Variants in PCDHGB7 observed in about 807,000 individuals in gnomAD.
PCDHGB7 encodes protocadherin gamma-B7.
PCDHGB7 carries 37 observed loss-of-function variants against 61.4 expected under a neutral mutation model. The observed-to-expected ratio is 0.60, with a 90% confidence interval of 0.46 to 0.79. PCDHGB7 has a LOEUF of 0.79. Ranked by LOEUF, PCDHGB7 falls within the 30% of genes least tolerant of loss-of-function variation. The pLI, the probability that PCDHGB7 is intolerant of heterozygous loss-of-function variation, is 0.00. For synonymous variants in PCDHGB7, 464 were observed against 503.5 expected (o/e 0.92, Z 1.05); for missense variants, 1,166 against 1,202.5 (o/e 0.97, Z 0.45).
chr5:141,420,956 T>C lies in PCDHGB7; in HGVS notation c.2415+682T>C, dbSNP rs17097281. 2.2e-3 allele frequency: 904 copies of C among 416,864 alleles called. 5 individuals carry two copies. The highest frequency in any genetic ancestry group is 0.016 in the African/African-American group (760 of 48,560). 25.8% of individuals were successfully genotyped at this position (416,864 alleles called of 1,614,324 possible). A position where few individuals can be genotyped will look rare whatever the true frequency, so the allele number is the denominator to read the frequency against. Reference sequence around the variant, plus strand: ...AATCATTTCTTCTGGAATTTCTTAGTCGTTGCAATAATAAGAATGGGCTCT... The same window carrying C: ...AATCATTTCTTCTGGAATTTCTTAGCCGTTGCAATAATAAGAATGGGCTCT... On this transcript the variant is annotated intron_variant, in intron 1 of 3. Coordinates refer to ENST00000398594, the MANE Select transcript of PCDHGB7 (RefSeq NM_018927.4).
intron 1 of PCDHGB7, among the ~76,000 whole-genome samples, chr5:141,456,250 C>T (rs1244300374): frequency 4.6e-5 from 7 of 152,014 alleles, no homozygotes; most frequent in African/African-American, 1.7e-4. Context: ...AGGCTTTGGG[C>T]GACCATTGCT....
In PCDHGB7 at chr5:141,432,853, C is replaced by A. The variant is rs748301578; in HGVS notation, c.2415+12579C>A. 1.1e-5 allele frequency: 17 copies of A among 1,614,176 alleles called. No homozygotes were observed. Among genetic ancestry groups the A allele is most frequent in the East Asian group, 4.5e-5 (2 of 44,874 alleles). On this transcript the variant is annotated intron_variant, in intron 1 of 3. Transcript: ENST00000398594. The surrounding 1 kb of genome is among the most constrained non-coding windows in gnomAD (Gnocchi z 6.0). ...CTCTGTACCTGGTGGTAGCGGTGGC[C>A]GCGGTCTCCTGCGTCTTCCTGGCCT...
rs1049654933 is a variant in PCDHGB7 at position 141,497,808 on chromosome 5, A to G, written c.2474+2943A>G. 2.6e-5 allele frequency among the ~76,000 whole-genome samples: 4 copies of G among 152,282 alleles called. No homozygotes were observed. The East Asian group carries it at 7.7e-4, about 29-fold the overall frequency. Reference sequence around the variant, plus strand: ...ACCTGCTTCAGCTTCCCAAAGTGCTAGAATTACAGGTGTGATCGCCCCCGG... The same window carrying G: ...ACCTGCTTCAGCTTCCCAAAGTGCTGGAATTACAGGTGTGATCGCCCCCGG... On this transcript the variant is annotated intron_variant, in intron 2 of 3. Coordinates refer to ENST00000398594, the MANE Select transcript of PCDHGB7 (RefSeq NM_018927.4).
intron 1 of PCDHGB7, among the ~76,000 whole-genome samples, chr5:141,434,384 G>T (rs980455943): frequency 2.6e-5 from 4 of 152,208 alleles, no homozygotes; most frequent in African/African-American, 4.8e-5. Context: ...CCCAAAACTG[G>T]CCATAAACAA....
At chr5:141,475,684 T>C (rs2099367059) in intron 1 of PCDHGB7, among the ~76,000 whole-genome samples, 1 of 152,228 alleles carries the variant, frequency 6.6e-6, no homozygotes, top group African/African-American at 2.4e-5. Context: ...TTGATTTGGA[T>C]TGGAGACTTG....
intron 1 of PCDHGB7, among the ~76,000 whole-genome samples, chr5:141,438,828 A>T (rs1364963084): frequency 6.7e-6 from 1 of 149,956 alleles, no homozygotes; most frequent in Non-Finnish European, 1.5e-5. Context: ...TGCCCAGCTA[A>T]TTTTTTAAAA....
In PCDHGB7 at chr5:141,489,335, G is replaced by A. The variant is rs138015049; in HGVS notation, c.2416-5472G>A. The A allele has an allele frequency of 8.2e-5, 132 of 1,607,244 alleles. No individual in the cohort carries two copies. The African/African-American group carries it at 1.5e-3, about 18-fold the overall frequency. On this transcript the variant is annotated intron_variant, in intron 1 of 3. Transcript: ENST00000398594. This position sits in a 1 kb window ranked among gnomAD's most constrained non-coding sequence, Gnocchi z 4.5. ...TGGGGCTGGGTGTCTGGGCAGCTTC[G>A]TTACTCAGTGGTGGAGGAGTCTGAG...
rs1036223789 is a variant in PCDHGB7, at chr5:141,511,298, G to A, written c.*125G>A. On this transcript the variant is annotated 3_prime_UTR_variant, in exon 4 of 4. Transcript: ENST00000398594. ...GAATACTGGTAGGGGCCAAGGCCAT[G>A]CTCCCCTTGGGAAACAGAAACAAGT... The A allele has an allele frequency of 4.7e-6, 7 of 1,502,412 alleles. No individual in the cohort carries two copies. In the African/African-American group the frequency reaches 8.4e-5, roughly 18 times the overall value. The allele number at this position is 1,502,412 out of a possible 1,614,324, so 93.1% of individuals were successfully genotyped here. A position where few individuals can be genotyped will look rare whatever the true frequency, so the allele number is the denominator to read the frequency against.
chr5:141,431,408 G>A lies in PCDHGB7; in HGVS notation c.2415+11134G>A. ...CCACCTGGTCCTTACGGCCTCCGAC[G>A]GGGGCGACCCGGTGCGCACAGGCAC... On this transcript the variant is annotated intron_variant, in intron 1 of 3. Transcript: ENST00000398594. The surrounding 1 kb of genome is among the most constrained non-coding windows in gnomAD (Gnocchi z 4.8). 6.2e-7 allele frequency: 1 copy of A among 1,613,718 alleles called. No individual in the cohort carries two copies. The highest frequency in any genetic ancestry group is 2.2e-5 in the East Asian group (1 of 44,882).
At chr5:141,429,468 A>G (rs2097217267) in intron 1 of PCDHGB7, among the ~76,000 whole-genome samples, 1 of 152,048 alleles carries the variant, frequency 6.6e-6, no homozygotes, top group Admixed American at 6.6e-5. Flanking sequence ...TCCCACCTCA[A>G]TCTCCAGAGT....
chr5:141,511,462 C>T lies in PCDHGB7; in HGVS notation c.*289C>T, dbSNP rs1385398410. On this transcript the variant is annotated 3_prime_UTR_variant, in exon 4 of 4. Transcript: ENST00000398594. Reference sequence around the variant, plus strand: ...AGACACCAAGAACCATTTGCCACACCCCGTTTAGTTACAGCTGAACTCCTC... The same window carrying T: ...AGACACCAAGAACCATTTGCCACACTCCGTTTAGTTACAGCTGAACTCCTC... 5.4e-6 allele frequency: 3 copies of T among 556,350 alleles called. No individual in the cohort carries two copies. In the South Asian group the frequency reaches 6.3e-5, roughly 12 times the overall value. 34.5% of individuals were successfully genotyped at this position (556,350 alleles called of 1,614,324 possible).
intron 1 of PCDHGB7, among the ~76,000 whole-genome samples, chr5:141,482,329 T>A (rs1334833454): frequency 6.6e-6 from 1 of 152,160 alleles, no homozygotes; most frequent in Non-Finnish European, 1.5e-5. Context: ...ATAAAGAGAA[T>A]ATCTACTTTG....
chr5:141,511,485 C>T lies in PCDHGB7; in HGVS notation c.*312C>T, dbSNP rs1324849800. 1.8e-5 allele frequency: 8 copies of T among 453,300 alleles called. No individual in the cohort carries two copies. The highest frequency in any genetic ancestry group is 1.2e-4 in the African/African-American group (6 of 50,332). The allele number at this position is 453,300 out of a possible 1,614,324, so 28.1% of individuals were successfully genotyped here. A position where few individuals can be genotyped will look rare whatever the true frequency, so the allele number is the denominator to read the frequency against. On this transcript the variant is annotated 3_prime_UTR_variant, in exon 4 of 4. Coordinates refer to ENST00000398594, the MANE Select transcript of PCDHGB7 (RefSeq NM_018927.4). Reference sequence around the variant, plus strand: ...ACCCCGTTTAGTTACAGCTGAACTCCTCCATCTTCCAAATCAATCAGGCCC... The same window carrying T: ...ACCCCGTTTAGTTACAGCTGAACTCTTCCATCTTCCAAATCAATCAGGCCC...
rs1226463441 is a variant in PCDHGB7, at chr5:141,432,906, T to A, written c.2415+12632T>A. 6.2e-7 allele frequency: 1 copy of A among 1,614,176 alleles called. No individual in the cohort carries two copies. The highest frequency in any genetic ancestry group is 8.5e-7 in the Non-Finnish European group (1 of 1,180,002). ...GTCATCTTGCTGCTGGCGCTCAGGC[T>A]GCGGCGCTGGCACAAGTCACGCCTG... On this transcript the variant is annotated intron_variant, in intron 1 of 3. Coordinates refer to ENST00000398594, the MANE Select transcript of PCDHGB7 (RefSeq NM_018927.4). The surrounding 1 kb of genome is among the most constrained non-coding windows in gnomAD (Gnocchi z 6.0).
intron 1 of PCDHGB7, among the ~76,000 whole-genome samples, chr5:141,444,758 T>C (rs1430492886): frequency 1.3e-5 from 2 of 152,262 alleles, no homozygotes; most frequent in East Asian, 3.8e-4. Flanking sequence ...TATGTAGTTC[T>C]ATTTCTATAT....
At chr5:141,474,361 T>C (rs2099347915) in intron 1 of PCDHGB7, among the ~76,000 whole-genome samples, 2 of 152,210 alleles carry the variant, frequency 1.3e-5, no homozygotes, top group South Asian at 2.1e-4. Context: ...CATGTCTCAG[T>C]AGGTCTAGAG....
chr5:141,454,740 G>GAGGCC (rs2098797560), intron 1 of PCDHGB7, among the ~76,000 whole-genome samples: 1 of 147,160 alleles, frequency 6.8e-6, no homozygotes, highest in Non-Finnish European at 1.5e-5. Flanking sequence ...AGGATGAAAA[G>GAGGCC]AGGCCAAACT....
chr5:141,446,408 C>A (rs1211716327), intron 1 of PCDHGB7, among the ~76,000 whole-genome samples: 1 of 151,898 alleles, frequency 6.6e-6, no homozygotes, highest in African/African-American at 2.4e-5. Flanking sequence ...GAGTTGAGTT[C>A]CAGCCATGTT....
At chr5:141,460,733 C>T (rs988651750) in intron 1 of PCDHGB7, among the ~76,000 whole-genome samples, 2 of 150,844 alleles carry the variant, frequency 1.3e-5, no homozygotes, top group Non-Finnish European at 3.0e-5. Context: ...CATATATACA[C>T]ATTGTATATA....
Sources: allele counts gnomAD v4.1 joint callset (sites outside exome capture counted in the v4.1 genomes callset), GRCh38; gene constraint gnomAD v4.1.1; non-coding constraint Gnocchi (gnomAD v3.1); transcripts MANE v1.5; gene names NCBI Gene and HGNC (gene_info 2026-07-23, HGNC 2026-07-21).